The following PPP2R2C variants were observed in gnomAD, a reference collection of about 807,000 sequenced individuals.
PPP2R2C encodes protein phosphatase 2 regulatory subunit Bgamma.
In PPP2R2C, 10 loss-of-function variants were observed where a neutral mutation model predicts 45.3. The ratio of observed to expected loss-of-function variants is 0.22; its 90% CI spans 0.14 to 0.37. PPP2R2C has a LOEUF of 0.37. PPP2R2C is among the 10% of genes least tolerant of loss of function. PPP2R2C has a pLI of 1.00. For synonymous variants in PPP2R2C, 257 were observed against 245.4 expected, an observed-to-expected ratio of 1.05 and a Z score of -0.44; for missense variants, 308 against 619.7, an observed-to-expected ratio of 0.50 and a Z score of 5.34.
chr4:6,371,071 T>C (rs896895536), intron 5 of PPP2R2C, among the ~76,000 whole-genome samples: 2 of 152,134 alleles, frequency 1.3e-5, no homozygotes, highest in Non-Finnish European at 2.9e-5. Context: ...ACATCACACA[T>C]AGGGGCTCAC....
chr4:6,500,533 C>G (rs540059645), intron 2 of PPP2R2C, among the ~76,000 whole-genome samples: 24 of 152,360 alleles, frequency 1.6e-4, no homozygotes, highest in African/African-American at 4.8e-4. Flanking sequence ...AGCTGTCGGC[C>G]TTGGACCTAC....
chr4:6,543,823 C>T (rs1364580824), intron 1 of PPP2R2C, among the ~76,000 whole-genome samples: 1 of 152,194 alleles, frequency 6.6e-6, no homozygotes, highest in Non-Finnish European at 1.5e-5. Context: ...AAGAAACCCA[C>T]ACCTAAGATA....
At chr4:6,417,467 C>G (rs1201145678) in intron 1 of PPP2R2C, among the ~76,000 whole-genome samples, 4 of 152,150 alleles carry the variant, frequency 2.6e-5, no homozygotes. Flanking sequence ...CAGTTTGCCC[C>G]CCTTGGGTGG....
chr4:6,381,212 C>T lies in PPP2R2C; in HGVS notation c.71-118G>A, dbSNP rs1715767183. The stretch of plus-strand genomic sequence containing the variant: ...CTCCCCGAGGCCCCACAGCCCTGGG[C>T]AGGAGGCAGCAGGGAGCCTGAGGGG... On this transcript the variant is annotated intron_variant, in intron 1 of 8. Coordinates refer to ENST00000382599, the MANE Select transcript of PPP2R2C (RefSeq NM_020416.4). 7 of 1,541,184 alleles carry T rather than the reference C, an allele frequency of 4.5e-6. No individual in the cohort carries two copies. In the East Asian group the frequency reaches 1.7e-4, roughly 38 times the overall value.
chr4:6,477,578 T>C (rs1308048473), upstream of PPP2R2C, among the ~76,000 whole-genome samples: 3 of 151,650 alleles, frequency 2.0e-5, no homozygotes, highest in Non-Finnish European at 2.9e-5. Flanking sequence ...TACAAAAAAT[T>C]AGCCGGGCAT....
chr4:6,478,528 C>CG (rs397804702), intron 2 of PPP2R2C, among the ~76,000 whole-genome samples: 1 of 151,782 alleles, frequency 6.6e-6, no homozygotes, highest in African/African-American at 2.4e-5. Flanking sequence ...TAACAGGGCC[C>CG]TGTTCGATGT....
At chr4:6,363,527 C>T (rs1388984058) in intron 5 of PPP2R2C, among the ~76,000 whole-genome samples, 3 of 151,452 alleles carry the variant, frequency 2.0e-5, no homozygotes, top group Non-Finnish European at 2.9e-5. Flanking sequence ...TGCAGTGAGC[C>T]GAGATTGAGC....
chr4:6,323,460 C>T lies in PPP2R2C; in HGVS notation c.1186G>A (p.Gly396Arg). ...AVLKPRRVCV[G>R]GKRRRDDISV... ...ATGTCATCACGCCGGCGCTTGCCCCCCACGCACACGCGCCGTGGCTTGAGC... is the reference window on the plus strand; with the variant it reads ...ATGTCATCACGCCGGCGCTTGCCCCTCACGCACACGCGCCGTGGCTTGAGC... Residue 396 changes from glycine to arginine, a missense_variant, in exon 9 of 9, where the codon GGG (glycine) becomes AGG (arginine). Transcript: ENST00000382599. 1.2e-6 allele frequency: 2 copies of T among 1,613,240 alleles called. No individual in the cohort carries two copies. The highest frequency in any genetic ancestry group is 1.7e-6 in the Non-Finnish European group (2 of 1,179,266).
chr4:6,460,151 C>A (rs1194413849), intron 1 of PPP2R2C, among the ~76,000 whole-genome samples: 1 of 152,150 alleles, frequency 6.6e-6, no homozygotes, highest in Non-Finnish European at 1.5e-5. Context: ...CTGAAATGTG[C>A]CCCCTCCCCA....
At chr4:6,441,118 C>G (rs549361606) in intron 1 of PPP2R2C, among the ~76,000 whole-genome samples, 2 of 152,258 alleles carry the variant, frequency 1.3e-5, no homozygotes, top group African/African-American at 4.8e-5. Context: ...TCCAGCTCTG[C>G]AGGTGCACAG....
At chr4:6,462,154 C>T (rs1250621687) in intron 1 of PPP2R2C, among the ~76,000 whole-genome samples, 1 of 152,250 alleles carries the variant, frequency 6.6e-6, no homozygotes. Context: ...CCAGCAACCA[C>T]CTCTCAGCCT....
chr4:6,525,364 C>T lies in PPP2R2C; in HGVS notation c.49+9907G>A, dbSNP rs143465595. ...AGGTTGCAGTGAGGCAAGATTGTGC[C>T]GCTGCACTCCAGCCTGGGCGACAGA... On this transcript the variant is annotated intron_variant, in intron 2 of 9. Coordinates refer to the PPP2R2C transcript ENST00000506140. Among the ~76,000 whole-genome samples, 436 of 152,148 alleles carry T rather than the reference C, an allele frequency of 2.9e-3. 1 individual carries two copies. Among genetic ancestry groups the T allele is most frequent in the Non-Finnish European group, 4.3e-3 (293 of 68,002 alleles).
chr4:6,389,356 A>T (rs1279447922), intron 1 of PPP2R2C, among the ~76,000 whole-genome samples: 3 of 152,124 alleles, frequency 2.0e-5, no homozygotes, highest in African/African-American at 7.2e-5. Flanking sequence ...ACCATTAATG[A>T]TCCATCAGGG....
intron 1 of PPP2R2C, chr4:6,384,503 T>A (rs1442173459): frequency 1.0e-6 from 1 of 976,396 alleles, no homozygotes; most frequent in Non-Finnish European, 1.2e-6. Context: ...ATAGCTGTAT[T>A]GAGGTACAAT....
chr4:6,466,779 G>A (rs529718946), intron 1 of PPP2R2C, among the ~76,000 whole-genome samples: 2 of 152,336 alleles, frequency 1.3e-5, no homozygotes, highest in Admixed American at 1.3e-4. Flanking sequence ...AGGAGATGGA[G>A]TGGAAAAATT....
intron 1 of PPP2R2C, among the ~76,000 whole-genome samples, chr4:6,460,315 A>G (rs1356280001): frequency 6.6e-6 from 1 of 152,194 alleles, no homozygotes; most frequent in Non-Finnish European, 1.5e-5. Flanking sequence ...ACAGACACAC[A>G]CAGGAAAGAC....
chr4:6,409,532 C>A (rs1718012273), intron 1 of PPP2R2C, among the ~76,000 whole-genome samples: 1 of 152,136 alleles, frequency 6.6e-6, no homozygotes, highest in African/African-American at 2.4e-5. Flanking sequence ...GAGCAGCCAG[C>A]CCATGAGGAA....
intron 5 of PPP2R2C, chr4:6,351,175 G>T (rs1712518345): frequency 1.9e-6 from 1 of 516,498 alleles, no homozygotes; most frequent in Non-Finnish European, 2.5e-6. Context: ...TTAGCCAGGC[G>T]TGGTGGCACA....
rs116532562 is a variant in PPP2R2C at position 6,532,559 on chromosome 4, G to A, written c.49+2712C>T. On this transcript the variant is annotated intron_variant, in intron 2 of 9. Transcript: ENST00000506140. ...CATTTCCACTAGAAAAGCGGGATTT[G>A]CCTTCCCTTAAATGCACATTCCACT... Among the ~76,000 whole-genome samples, 1,382 of 152,326 alleles carry A rather than the reference G, an allele frequency of 9.1e-3. 14 individuals are homozygous for A. The highest frequency in any genetic ancestry group is 0.019 in the South Asian group (92 of 4,824).
Sources: gnomAD v4.1 joint callset for allele counts (sites outside exome capture counted in the v4.1 genomes callset) on GRCh38, gnomAD v4.1.1 for gene constraint, MANE v1.5 for transcripts, NCBI Gene and HGNC (gene_info 2026-07-23, HGNC 2026-07-21) for gene names.